Variants in DNAAF4 observed in about 807,000 individuals in gnomAD.
DNAAF4 encodes the protein dynein assembly factor 4, axonemal.
A neutral mutation model predicts 51.8 loss-of-function variants in DNAAF4; 43 were observed. The ratio of observed to expected loss-of-function variants is 0.83; its 90% CI spans 0.65 to 1.07. The LOEUF (loss-of-function observed/expected upper bound fraction) is 1.07. Among genes scored for constraint, DNAAF4 ranks in the 50% least tolerant of loss-of-function variants. The probability of loss-of-function intolerance (pLI) is 0.00; values close to 1 mark genes in which losing one functional copy is unlikely to be tolerated. For synonymous variants in DNAAF4, 194 were observed against 165.6 expected (o/e 1.17, Z -1.32); for missense variants, 581 against 493.0 (o/e 1.18, Z -1.69).
chr15:55,441,726 C>A (rs1164206591), intron 6 of DNAAF4, among the ~76,000 whole-genome samples: 1 of 152,168 alleles, frequency 6.6e-6, no homozygotes, highest in Non-Finnish European at 1.5e-5. Context: ...ATCCATGTCC[C>A]TACAAAGGAC....
intron 4 of DNAAF4, among the ~76,000 whole-genome samples, chr15:55,479,229 C>T (rs952992189): frequency 1.3e-5 from 2 of 151,732 alleles, no homozygotes; most frequent in Non-Finnish European, 2.9e-5. Flanking sequence ...ACTTGGGCAA[C>T]TCAGAGTACT....
At chr15:55,433,886 A>ATAT (rs2057546799) in intron 8 of DNAAF4, among the ~76,000 whole-genome samples, 1 of 52,866 alleles carries the variant, frequency 1.9e-5, no homozygotes, top group African/African-American at 1.0e-4. Flanking sequence ...TACATATATT[A>ATAT]TATATATATT....
intron 3 of DNAAF4, among the ~76,000 whole-genome samples, chr15:55,492,776 G>T (rs1233877133): frequency 6.6e-6 from 1 of 152,140 alleles, no homozygotes; most frequent in African/African-American, 2.4e-5. Flanking sequence ...CTGACCTTGT[G>T]ATCCGCCTGC....
At chr15:55,432,422 C>A in intron 9 of DNAAF4, 75 bp downstream of exon 9, 1 of 1,219,990 alleles carries the variant, frequency 8.2e-7, no homozygotes, top group South Asian at 1.5e-5. Flanking sequence ...TTAAAAGTCA[C>A]GATCTTAAAT....
chr15:55,467,043 A>T lies in DNAAF4; in HGVS notation c.524T>A (p.Ile175Asn). The change falls in exon 5 of 10, where the codon ATT (isoleucine) becomes AAT (asparagine). Residue 175 changes from isoleucine to asparagine, a missense_variant. Coordinates refer to ENST00000321149, the MANE Select transcript of DNAAF4 (RefSeq NM_130810.4). Reference protein sequence around the residue: ...YQRKAEEQKKIQREEKLCQKE... With the variant: ...YQRKAEEQKKNQREEKLCQKE... ...TTGACATAATTTCTCTTCTCTCTGA[A>T]TTTTTTTTTGCTCCTCAGCTTTTCT... The T allele has an allele frequency of 1.9e-6, 3 of 1,549,440 alleles. No individual in the cohort carries two copies. Among genetic ancestry groups the T allele is most frequent in the African/African-American group, 1.4e-5 (1 of 71,506 alleles).
At chr15:55,460,654 A>G (rs1423583109) in intron 5 of DNAAF4, among the ~76,000 whole-genome samples, 1 of 152,158 alleles carries the variant, frequency 6.6e-6, no homozygotes, top group Non-Finnish European at 1.5e-5. Context: ...GACTTAATAG[A>G]TATTTACAGA....
downstream of DNAAF4, among the ~76,000 whole-genome samples, chr15:55,427,407 A>T (rs2057441378): frequency 1.3e-5 from 2 of 151,994 alleles, no homozygotes; most frequent in Admixed American, 1.3e-4. Context: ...GGTGAGGTGA[A>T]GCTGGTGAGC....
intron 3 of DNAAF4, among the ~76,000 whole-genome samples, chr15:55,493,655 A>G (rs1017886257): frequency 2.6e-5 from 4 of 152,072 alleles, no homozygotes; most frequent in Non-Finnish European, 5.9e-5. Flanking sequence ...TTTTATGTGA[A>G]AAAAAAATGG....
chr15:55,481,586 T>C (rs1018762605), intron 4 of DNAAF4, among the ~76,000 whole-genome samples: 1 of 152,164 alleles, frequency 6.6e-6, no homozygotes, highest in Admixed American at 6.5e-5. Flanking sequence ...CTCTCTCCAC[T>C]AGACAGAGCA....
intron 1 of DNAAF4, among the ~76,000 whole-genome samples, chr15:55,504,320 C>A (rs957936737): frequency 3.2e-4 from 48 of 152,238 alleles, no homozygotes; most frequent in Middle Eastern, 6.8e-3. Context: ...TAGGAAAAAT[C>A]AATATTGCGA....
intron 4 of DNAAF4, among the ~76,000 whole-genome samples, chr15:55,469,128 C>T (rs1595926679): frequency 1.3e-5 from 2 of 152,046 alleles, no homozygotes; most frequent in East Asian, 1.9e-4. Context: ...GTCAGGAGTT[C>T]GAGACCAGCC....
At chr15:55,463,205 C>CACACAT (rs1159710554) in intron 5 of DNAAF4, among the ~76,000 whole-genome samples, 28 of 151,992 alleles carry the variant, frequency 1.8e-4, no homozygotes, top group African/African-American at 6.3e-4. Flanking sequence ...CACACACACA[C>CACACAT]ACACACAAAG....
At chr15:55,423,360 A>T (rs1246702971) in intron 7 of DNAAF4, among the ~76,000 whole-genome samples, 3 of 151,966 alleles carry the variant, frequency 2.0e-5, no homozygotes, top group Admixed American at 6.6e-5. Flanking sequence ...GTCATGCACC[A>T]CCATGCCTGG....
intron 7 of DNAAF4, among the ~76,000 whole-genome samples, chr15:55,420,875 G>C (rs544174180): frequency 6.6e-6 from 1 of 151,986 alleles, no homozygotes; most frequent in South Asian, 2.1e-4. Context: ...GCACTGTTCG[G>C]TCATTTTTGT....
chr15:55,439,489 C>A lies in DNAAF4; in HGVS notation c.876G>T (p.Trp292Cys). 6.2e-7 allele frequency: 1 copy of A among 1,613,866 alleles called. No homozygotes were observed. The highest frequency in any genetic ancestry group is 8.5e-7 in the Non-Finnish European group (1 of 1,179,808). The change falls in exon 7 of 10, where the codon TGG becomes TGT. Residue 292 changes from tryptophan (W) to cysteine (C), a missense_variant. Trp to Cys is a radical substitution (Grantham distance 215, BLOSUM62 -2). Coordinates refer to ENST00000321149, the MANE Select transcript of DNAAF4 (RefSeq NM_130810.4). ...DLKEEEKNPE[W>C]LKDKGNKLFA... Reference sequence around the variant, plus strand: ...CAACTTACTTTCCTTTATCCTTCAACCATTCTGGGTTCTTTTCTTCTTCTT... The same window carrying A: ...CAACTTACTTTCCTTTATCCTTCAAACATTCTGGGTTCTTTTCTTCTTCTT...
chr15:55,501,948 C>A (rs1313472017), intron 1 of DNAAF4, among the ~76,000 whole-genome samples: 1 of 151,558 alleles, frequency 6.6e-6, no homozygotes, highest in East Asian at 2.0e-4. Flanking sequence ...GAGGCTGAGG[C>A]AGGAGAATCG....
In DNAAF4 at chr15:55,439,817, G is replaced by A. The variant is rs370527961; in HGVS notation, c.784-236C>T. ...ATGAGGTTTAGGTCATGAGAGGAGA[G>A]CTCCCAAAACGAGTTTATCCTTTTA... On this transcript the variant is annotated intron_variant, in intron 6 of 9. Transcript: ENST00000321149. 1.2e-4 allele frequency among the ~76,000 whole-genome samples: 18 copies of A among 152,158 alleles called. No homozygotes were observed. In the South Asian group the frequency reaches 2.1e-3, roughly 18 times the overall value.
At position 55,462,881 on chromosome 15, in the gene DNAAF4, G is replaced by A. The variant is rs567200902; in HGVS notation, c.637+4049C>T. Among the ~76,000 whole-genome samples, 14 of 152,196 alleles carry A rather than the reference G, an allele frequency of 9.2e-5. No homozygotes were observed. The South Asian group carries it at 1.5e-3, about 16-fold the overall frequency. On this transcript the variant is annotated intron_variant, in intron 5 of 9. Transcript: ENST00000321149. ...AATCATCTCAATAAATGCAGAAAAA[G>A]CATTTGAGGCCGAGTGTGGTGGCTC...
chr15:55,455,892 C>T (rs2058013406), intron 5 of DNAAF4, among the ~76,000 whole-genome samples: 1 of 151,598 alleles, frequency 6.6e-6, no homozygotes. Context: ...TCTATTTCCT[C>T]TAAAATAAGA....
Sources: allele counts gnomAD v4.1 joint callset (sites outside exome capture counted in the v4.1 genomes callset), GRCh38; gene constraint gnomAD v4.1.1; transcripts MANE v1.5; gene names NCBI Gene and HGNC (gene_info 2026-07-23, HGNC 2026-07-21).